The following CADPS2 variants were observed in gnomAD, a reference collection of about 807,000 sequenced individuals.
CADPS2 encodes the protein calcium-dependent secretion activator 2.
CADPS2 carries 93 observed loss-of-function variants against 172.5 expected under a neutral mutation model. The ratio of observed to expected loss-of-function variants is 0.54; its 90% CI spans 0.46 to 0.64. The LOEUF is 0.64. Among genes scored for constraint, CADPS2 ranks in the 30% least tolerant of loss-of-function variants. The pLI, the probability that CADPS2 is intolerant of heterozygous loss-of-function variation, is 0.00. For missense variants in CADPS2, 1,420 were observed against 1,565.9 expected, an observed-to-expected ratio of 0.91 and a Z score of 1.57; for synonymous variants, 546 against 555.2, an observed-to-expected ratio of 0.98 and a Z score of 0.23.
chr7:122,846,622 A>T (rs576629788), intron 1 of CADPS2, among the ~76,000 whole-genome samples: 23 of 152,352 alleles, frequency 1.5e-4, no homozygotes, highest in African/African-American at 5.5e-4. Flanking sequence ...CTTTAAATAT[A>T]GGAGCCAATA....
rs552407648 is a variant in CADPS2, at chr7:122,615,198, G to A, written c.1206C>T (p.Ala402=). Residue 402 remains alanine, a synonymous_variant, in exon 6 of 30, where the codon GCC becomes GCT. Transcript: ENST00000449022. ...TGGCTTACTGTGGCCTTGAGGCTTC[G>A]GCCTGGTCTGTCTGAAGTTTTTCTC... The part of the protein sequence containing the change: ...VEGEKLQTDQ[A]EASRPQWGTQ... 6 of 1,541,888 alleles carry A rather than the reference G, an allele frequency of 3.9e-6. No homozygotes were observed. Among genetic ancestry groups the A allele is most frequent in the South Asian group, 1.2e-5 (1 of 82,544 alleles).
chr7:122,631,570 C>T (rs1321087384), intron 3 of CADPS2, among the ~76,000 whole-genome samples: 2 of 152,058 alleles, frequency 1.3e-5, no homozygotes, highest in Non-Finnish European at 2.9e-5. Context: ...TAAGCCACCG[C>T]ACCTGGTCTG....
At chr7:122,371,074 G>A (rs940972741) in intron 25 of CADPS2, among the ~76,000 whole-genome samples, 1 of 152,162 alleles carries the variant, frequency 6.6e-6, no homozygotes, top group Non-Finnish European at 1.5e-5. Context: ...CCCCAAATGG[G>A]TTAGTAACCT....
At chr7:122,590,495 C>A (rs11767048) in intron 6 of CADPS2, among the ~76,000 whole-genome samples, 4 of 151,666 alleles carry the variant, frequency 2.6e-5, no homozygotes, top group Admixed American at 2.6e-4. Context: ...TGTATGGCTG[C>A]GCTATAATTT....
At chr7:122,879,168 C>G (rs1326880062) in intron 1 of CADPS2, among the ~76,000 whole-genome samples, 1 of 149,102 alleles carries the variant, frequency 6.7e-6, no homozygotes, top group Non-Finnish European at 1.5e-5. Context: ...ACGCGGGAGG[C>G]AGAGGTTGCA....
At chr7:122,583,904 T>A (rs1213190443) in intron 6 of CADPS2, among the ~76,000 whole-genome samples, 1 of 151,256 alleles carries the variant, frequency 6.6e-6, no homozygotes, top group Non-Finnish European at 1.5e-5. Context: ...CACACACATA[T>A]AAAGATCCAG....
At chr7:122,726,497 G>A (rs1470394628) in intron 2 of CADPS2, among the ~76,000 whole-genome samples, 2 of 151,894 alleles carry the variant, frequency 1.3e-5, no homozygotes, top group African/African-American at 2.4e-5. Flanking sequence ...ACAGGTACAC[G>A]TGTTTTCTCT....
intron 2 of CADPS2, among the ~76,000 whole-genome samples, chr7:122,687,100 C>G (rs2083734841): frequency 6.6e-6 from 1 of 152,200 alleles, no homozygotes; most frequent in African/African-American, 2.4e-5. Context: ...CATCAAAACC[C>G]TTCAAACTAA....
intron 11 of CADPS2, among the ~76,000 whole-genome samples, chr7:122,485,819 CTT>C (rs2057752514): frequency 6.6e-6 from 1 of 152,170 alleles, no homozygotes; most frequent in Admixed American, 6.6e-5. Context: ...TACAGGCTCT[CTT>C]GTTAGTGGCT....
At chr7:122,751,315 T>C (rs2138392898) in intron 1 of CADPS2, among the ~76,000 whole-genome samples, 1 of 152,148 alleles carries the variant, frequency 6.6e-6, no homozygotes, top group Middle Eastern at 3.4e-3. Context: ...TCTATGCAAA[T>C]TTCTCATTAG....
chr7:122,362,792 G>C (rs771962921), intron 25 of CADPS2, among the ~76,000 whole-genome samples: 1 of 152,188 alleles, frequency 6.6e-6, no homozygotes, highest in Non-Finnish European at 1.5e-5. Context: ...CTGGTGACCA[G>C]AGAACTCGCT....
intron 25 of CADPS2, among the ~76,000 whole-genome samples, chr7:122,377,931 CA>C (rs1374514976): frequency 6.6e-6 from 1 of 151,478 alleles, no homozygotes; most frequent in East Asian, 1.9e-4. Context: ...TTGAAAACTA[CA>C]AAAAAAATGA....
intron 6 of CADPS2, among the ~76,000 whole-genome samples, chr7:122,607,769 T>C (rs2073772152): frequency 6.6e-6 from 1 of 152,162 alleles, no homozygotes; most frequent in African/African-American, 2.4e-5. Context: ...TTAGGCTTCA[T>C]TTTGTTCTGC....
intron 1 of CADPS2, among the ~76,000 whole-genome samples, chr7:122,839,830 T>C (rs1809844672): frequency 6.6e-6 from 1 of 152,206 alleles, no homozygotes; most frequent in African/African-American, 2.4e-5. Context: ...ACACTGTTGG[T>C]GGGACTGTAA....
Position 122,320,051 on chromosome 7 carries a change from C to A in CADPS2, c.*114G>T. On this transcript the variant is annotated 3_prime_UTR_variant, in exon 30 of 30. Transcript: ENST00000449022. The stretch of plus-strand genomic sequence containing the variant: ...TTCAGGCTTACTTTTTAAAGAAATA[C>A]AAGCATTTTTATTTGGCCAAAACAA... 9.3e-7 allele frequency: 1 copy of A among 1,074,610 alleles called. No homozygotes were observed. The highest frequency in any genetic ancestry group is 1.2e-6 in the Non-Finnish European group (1 of 809,020). 66.6% of individuals were successfully genotyped at this position (1,074,610 alleles called of 1,614,324 possible). A position where few individuals can be genotyped will look rare whatever the true frequency, so the allele number is the denominator to read the frequency against.
chr7:122,572,833 T>A (rs2067452930), intron 7 of CADPS2, among the ~76,000 whole-genome samples: 1 of 152,088 alleles, frequency 6.6e-6, no homozygotes, highest in African/African-American at 2.4e-5. Context: ...TGAGAAAAAA[T>A]CCTTGTTCTG....
chr7:122,487,853 T>C (rs907138759), intron 11 of CADPS2, among the ~76,000 whole-genome samples: 1 of 152,110 alleles, frequency 6.6e-6, no homozygotes, highest in Non-Finnish European at 1.5e-5. Context: ...ACTTACATGG[T>C]ATGCAGTAAT....
chr7:122,707,047 G>C (rs994129363), intron 2 of CADPS2, among the ~76,000 whole-genome samples: 1 of 151,780 alleles, frequency 6.6e-6, no homozygotes, highest in Non-Finnish European at 1.5e-5. Context: ...TTTGAATGCT[G>C]TGTTACTAAG....
chr7:122,714,950 G>A (rs753992481), intron 2 of CADPS2, among the ~76,000 whole-genome samples: 99 of 152,156 alleles, frequency 6.5e-4, no homozygotes, highest in South Asian at 1.7e-3. Flanking sequence ...TTGGTTAAAC[G>A]TCATACAGCT....
Sources: gnomAD v4.1 joint callset for allele counts (sites outside exome capture counted in the v4.1 genomes callset) on GRCh38, gnomAD v4.1.1 for gene constraint, MANE v1.5 for transcripts, NCBI Gene and HGNC (gene_info 2026-07-23, HGNC 2026-07-21) for gene names.